ADD1: variants seen among roughly 807,000 people sequenced by gnomAD.
ADD1 encodes adducin 1.
ADD1 carries 24 observed loss-of-function variants against 80.5 expected under a neutral mutation model. The ratio of observed to expected loss-of-function variants is 0.30; its 90% CI spans 0.22 to 0.42. The LOEUF (loss-of-function observed/expected upper bound fraction) is 0.42, where lower values mean the gene tolerates loss of function less well. Ranked by LOEUF, ADD1 falls within the 10% of genes least tolerant of loss-of-function variation. The pLI is 1.00. For missense variants in ADD1, 948 were observed against 1,019.0 expected (o/e 0.93, Z 0.95); for synonymous variants, 373 against 393.8 (o/e 0.95, Z 0.63).
chr4:2,914,364 A>G (rs575234470), intron 13 of ADD1, among the ~76,000 whole-genome samples: 1 of 152,328 alleles, frequency 6.6e-6, no homozygotes, highest in East Asian at 1.9e-4. Context: ...TCATCTCGGA[A>G]TGTTTTGGGA....
chr4:2,918,062 A>G (rs962060826), intron 14 of ADD1, among the ~76,000 whole-genome samples: 1 of 152,224 alleles, frequency 6.6e-6, no homozygotes, highest in African/African-American at 2.4e-5. Context: ...CTGTGAAGAA[A>G]GTCAGTGGTA....
intron 14 of ADD1, among the ~76,000 whole-genome samples, chr4:2,925,685 G>A (rs1046959542): frequency 3.3e-5 from 5 of 152,178 alleles, no homozygotes; most frequent in African/African-American, 1.2e-4. Context: ...AGGGAGGGAG[G>A]GGTCCCTACT....
intron 4 of ADD1, 107 bp downstream of exon 4, chr4:2,884,773 T>C: frequency 7.7e-7 from 1 of 1,298,088 alleles, no homozygotes. Flanking sequence ...CTTCAGTAAG[T>C]CTTGGAATAC....
intron 6 of ADD1, among the ~76,000 whole-genome samples, chr4:2,896,890 G>A (rs999459594): frequency 6.6e-6 from 1 of 151,892 alleles, no homozygotes; most frequent in Non-Finnish European, 1.5e-5. Context: ...TCCTGAGTAG[G>A]TGGGACTACA....
chr4:2,928,585 C>CT lies in ADD1; in HGVS notation c.*62_*63insT. 2.0e-6 allele frequency: 3 copies of CT among 1,531,264 alleles called. No individual in the cohort carries two copies. Among genetic ancestry groups the CT allele is most frequent in the South Asian group, 2.4e-5 (2 of 84,752 alleles). 94.9% of individuals were successfully genotyped at this position (1,531,264 alleles called of 1,614,324 possible). ...CTGGCTCTGCCAGCGTCCCCGGCCA[C>CT]GTCTGTGCTCTGTCCTTGTGTAATG... On this transcript the variant is annotated 3_prime_UTR_variant, in exon 16 of 16. Transcript: ENST00000683351.
At chr4:2,910,191 G>A (rs1181127935) in intron 13 of ADD1, among the ~76,000 whole-genome samples, 3 of 150,590 alleles carry the variant, frequency 2.0e-5, no homozygotes, top group African/African-American at 2.5e-5. Context: ...GGGGCTGACC[G>A]CATGGTTGAA....
At chr4:2,887,083 T>A (rs1242910528) in intron 4 of ADD1, among the ~76,000 whole-genome samples, 1 of 152,212 alleles carries the variant, frequency 6.6e-6, no homozygotes, top group Non-Finnish European at 1.5e-5. Context: ...TAAAAAAGTG[T>A]TTTCTGTAAA....
rs146995313 is a variant in ADD1, at chr4:2,928,769, G to C, written c.*246G>C. ...TGGGGGAGACATGCTCTCCCCACAG[G>C]GGGGAGGCACTAAGTCATGGTCCTG... On this transcript the variant is annotated 3_prime_UTR_variant, in exon 16 of 16. Transcript: ENST00000683351. The C allele has an allele frequency of 1.8e-4, 92 of 505,566 alleles. 1 individual carries two copies. Among genetic ancestry groups the C allele is most frequent in the South Asian group, 7.8e-4 (29 of 37,018 alleles). 31.3% of individuals were successfully genotyped at this position (505,566 alleles called of 1,614,324 possible). A position where few individuals can be genotyped will look rare whatever the true frequency, so the allele number is the denominator to read the frequency against.
chr4:2,894,136 T>C, intron 5 of ADD1, 43 bp downstream of exon 5: 1 of 1,483,680 alleles, frequency 6.7e-7, no homozygotes, highest in Non-Finnish European at 9.4e-7. Flanking sequence ...GTGCAGGTCA[T>C]GTTAGGTCAT....
chr4:2,865,891 T>G (rs1283955305), intron 1 of ADD1, among the ~76,000 whole-genome samples: 1 of 152,222 alleles, frequency 6.6e-6, no homozygotes. Flanking sequence ...AGAAAGTAGC[T>G]GACATTGCCA....
At chr4:2,850,069 A>G (rs552130169) in intron 1 of ADD1, among the ~76,000 whole-genome samples, 2 of 152,368 alleles carry the variant, frequency 1.3e-5, no homozygotes, top group South Asian at 4.1e-4. Context: ...CCAGATGTCC[A>G]TCAGCTAATG....
intron 8 of ADD1, 190 bp downstream of exon 8, chr4:2,898,721 C>T: frequency 1.7e-6 from 1 of 603,470 alleles, no homozygotes; most frequent in Non-Finnish European, 2.9e-6. Context: ...CAAAGGATTA[C>T]TGGGCTTTTC....
At chr4:2,893,919 C>A in intron 4 of ADD1, 94 bp from the exon 5 acceptor site, 1 of 1,135,552 alleles carries the variant, frequency 8.8e-7, no homozygotes, top group Non-Finnish European at 1.3e-6. Flanking sequence ...ATAGCTCACT[C>A]AGTGTTCTGA....
At chr4:2,862,847 G>C (rs1464791524) in intron 1 of ADD1, among the ~76,000 whole-genome samples, 1 of 152,202 alleles carries the variant, frequency 6.6e-6, no homozygotes, top group African/African-American at 2.4e-5. Flanking sequence ...GGATTGCTGA[G>C]CAATGCCTGG....
chr4:2,895,044 G>A (rs1487715342), intron 6 of ADD1, among the ~76,000 whole-genome samples: 3 of 151,910 alleles, frequency 2.0e-5, no homozygotes, highest in Non-Finnish European at 2.9e-5. Flanking sequence ...GAGGATTGCT[G>A]AGCCCAGGAG....
intron 1 of ADD1, among the ~76,000 whole-genome samples, chr4:2,859,988 A>T (rs899018465): frequency 6.6e-6 from 1 of 150,698 alleles, no homozygotes; most frequent in South Asian, 2.1e-4. Context: ...TACGTGTTTA[A>T]TTAGATTATA....
chr4:2,850,450 G>T (rs185485638), intron 1 of ADD1, among the ~76,000 whole-genome samples: 16 of 151,736 alleles, frequency 1.1e-4, no homozygotes, highest in Non-Finnish European at 2.2e-4. Flanking sequence ...TTCTGAGACG[G>T]TGTCTTGCTC....
Position 2,911,675 on chromosome 4 carries a change from C to T in ADD1, c.1791+2244C>T, listed in dbSNP as rs185720901. On this transcript the variant is annotated intron_variant, in intron 13 of 15. Transcript: ENST00000683351. Reference sequence around the variant, plus strand: ...TCCGCCACGTTGCCCAGGCTGGTCTCAAACTCCTGAGCTCAAGCAGTCCAC... The same window carrying T: ...TCCGCCACGTTGCCCAGGCTGGTCTTAAACTCCTGAGCTCAAGCAGTCCAC... Among the ~76,000 whole-genome samples, 495 of 152,158 alleles carry T rather than the reference C, an allele frequency of 3.3e-3. 4 individuals are homozygous for T. Among genetic ancestry groups the T allele is most frequent in the African/African-American group, 0.012 (479 of 41,514 alleles).
chr4:2,898,472 G>C lies in ADD1; in HGVS notation c.925G>C (p.Glu309Gln). Residue 309 changes from glutamate to glutamine, a missense_variant, in exon 8 of 16, where the codon GAG (glutamate) becomes CAG (glutamine). By Grantham distance (29) the Glu-to-Gln change is conservative. Transcript: ENST00000683351. The part of the protein sequence containing the change: ...LRNHGLVSVG[E>Q]SVEEAFYYIH... ...GAACCATGGGCTCGTGTCAGTTGGA[G>C]AGAGCGTTGAGGAGGCCTTCTATTA... 1 of 1,614,250 alleles carries C rather than the reference G, an allele frequency of 6.2e-7. No individual in the cohort carries two copies. The highest frequency in any genetic ancestry group is 8.5e-7 in the Non-Finnish European group (1 of 1,180,042).
Sources: allele counts gnomAD v4.1 joint callset (sites outside exome capture counted in the v4.1 genomes callset), GRCh38; gene constraint gnomAD v4.1.1; transcripts MANE v1.5; gene names NCBI Gene and HGNC (gene_info 2026-07-23, HGNC 2026-07-21).